The following STOX2 variants were observed in gnomAD, a reference collection of about 807,000 sequenced individuals.
STOX2 encodes the protein storkhead box 2.
STOX2 carries 28 observed loss-of-function variants against 60.9 expected under a neutral mutation model. The ratio of observed to expected loss-of-function variants is 0.46; its 90% CI spans 0.34 to 0.63. The LOEUF (loss-of-function observed/expected upper bound fraction) is 0.63, where lower values mean the gene tolerates loss of function less well. Among genes scored for constraint, STOX2 ranks in the 30% least tolerant of loss-of-function variants. The pLI is 0.01. For missense variants in STOX2, 1,024 were observed against 1,187.7 expected (o/e 0.86, Z 2.03); for synonymous variants, 472 against 463.9 (o/e 1.02, Z -0.22).
chr4:183,831,312 T>G (rs1487639216), intron 1 of STOX2, among the ~76,000 whole-genome samples: 1 of 152,214 alleles, frequency 6.6e-6, no homozygotes. Flanking sequence ...TTGGCTCTTT[T>G]GCCTTTCTTC....
intron 1 of STOX2, among the ~76,000 whole-genome samples, chr4:183,880,403 AATCAACC>A: frequency 8.8e-6 from 1 of 113,498 alleles, no homozygotes; most frequent in Non-Finnish European, 1.9e-5. Context: ...GGTATAAACC[AATCAACC>A]AACCAACCAA....
At chr4:183,803,356 G>A (rs1483014579) in intron 1 of STOX2, among the ~76,000 whole-genome samples, 2 of 151,988 alleles carry the variant, frequency 1.3e-5, no homozygotes, top group Non-Finnish European at 2.9e-5. Context: ...GATTACAGAT[G>A]TTAGCACCTA....
At chr4:184,013,536 A>G (rs533783651) in intron 3 of STOX2, among the ~76,000 whole-genome samples, 1 of 152,346 alleles carries the variant, frequency 6.6e-6, no homozygotes, top group Admixed American at 6.5e-5. Context: ...TACATGTTAT[A>G]CAGTTAGAGA....
intron 1 of STOX2, among the ~76,000 whole-genome samples, chr4:183,816,053 G>A (rs999357203): frequency 2.6e-5 from 4 of 152,174 alleles, no homozygotes; most frequent in Admixed American, 2.6e-4. Flanking sequence ...CCAAATTTCA[G>A]AATTCCTGGG....
At chr4:183,859,887 A>G (rs988187755) in intron 1 of STOX2, among the ~76,000 whole-genome samples, 1 of 149,970 alleles carries the variant, frequency 6.7e-6, no homozygotes, top group African/African-American at 2.5e-5. Flanking sequence ...GTATATTAGG[A>G]TTTGTTCATG....
In STOX2 at chr4:184,001,365, T is replaced by C. The variant is rs746035005; in HGVS notation, c.207T>C (p.Ser69=). Residue 69 remains serine (S), a synonymous_variant, in exon 2 of 4, where the codon TCT becomes TCC. Transcript: ENST00000308497. This position sits in a 1 kb window ranked among gnomAD's most constrained non-coding sequence, Gnocchi z 4.2. ...TCAGTATGTCTCCCATCAGTCAGTC[T>C]CAGTTTATTCCACTCGGGGAGATCC... is the stretch of plus-strand genomic sequence containing the variant. ...SPISMSPISQ[S]QFIPLGEILC... 6.2e-7 allele frequency: 1 copy of C among 1,613,952 alleles called. No homozygotes were observed. The highest frequency in any genetic ancestry group is 1.1e-5 in the South Asian group (1 of 91,076).
chr4:183,951,224 G>GA (rs70959161), intron 1 of STOX2, among the ~76,000 whole-genome samples: 45,846 of 125,024 alleles, frequency 0.37, 7,558 homozygotes, highest in Middle Eastern at 0.43. Flanking sequence ...CAAAAAAAAA[G>GA]AAAAAAAAAA....
At chr4:183,862,283 C>G (rs1437769020) in intron 1 of STOX2, among the ~76,000 whole-genome samples, 4 of 152,196 alleles carry the variant, frequency 2.6e-5, no homozygotes, top group Non-Finnish European at 5.9e-5. Flanking sequence ...ACAAGCGATT[C>G]TCCTGCCTCA....
chr4:183,874,920 C>T (rs1441404838), intron 1 of STOX2, among the ~76,000 whole-genome samples: 8 of 43,864 alleles, frequency 1.8e-4, no homozygotes, highest in African/African-American at 8.0e-4. Context: ...CGAGACTCCG[C>T]CTCAAAAAAA....
intron 1 of STOX2, among the ~76,000 whole-genome samples, chr4:183,964,739 T>C (rs191498447): frequency 2.4e-4 from 37 of 152,276 alleles, no homozygotes; most frequent in South Asian, 8.3e-4. Context: ...CATGCCACCA[T>C]GCCCAGCTGA....
rs200837182 is a variant in STOX2 at position 184,009,557 on chromosome 4, G to A, written c.719G>A (p.Ser240Asn). 2.3e-3 allele frequency: 3,728 copies of A among 1,613,934 alleles called. 47 individuals carry two copies. Among genetic ancestry groups the A allele is most frequent in the South Asian group, 0.021 (1,955 of 91,058 alleles). ...SLCQVPPTEKSKSTVNFSYKT... is the reference protein window; with the variant it reads ...SLCQVPPTEKNKSTVNFSYKT... Reference sequence around the variant, plus strand: ...TGCCAGGTGCCACCCACTGAAAAGAGCAAAAGTACTGTAAATTTTTCCTAT... The same window carrying A: ...TGCCAGGTGCCACCCACTGAAAAGAACAAAAGTACTGTAAATTTTTCCTAT... The change falls in exon 3 of 4, where the codon AGC becomes AAC. Residue 240 changes from serine to asparagine, a missense_variant. Around this residue, in one of 3 missense-constraint regions of STOX2, gnomAD observed 922 missense variants for 1,058.3 expected, o/e 0.87. Coordinates refer to ENST00000308497, the MANE Select transcript of STOX2 (RefSeq NM_020225.3). The surrounding 1 kb of genome is among the most constrained non-coding windows in gnomAD (Gnocchi z 4.0).
At chr4:183,946,205 G>A (rs190785165) in intron 1 of STOX2, among the ~76,000 whole-genome samples, 1 of 149,282 alleles carries the variant, frequency 6.7e-6, no homozygotes, top group East Asian at 1.9e-4. Flanking sequence ...TAAAATGATG[G>A]GCTTTCTAGG....
intron 1 of STOX2, among the ~76,000 whole-genome samples, chr4:183,957,828 A>G (rs898096502): frequency 6.6e-6 from 1 of 152,016 alleles, no homozygotes; most frequent in African/African-American, 2.4e-5. Flanking sequence ...TTAGAACCCA[A>G]TATCGTGAAT....
upstream of STOX2, among the ~76,000 whole-genome samples, chr4:183,901,571 T>A (rs72998718): frequency 6.0e-5 from 9 of 151,200 alleles, no homozygotes; most frequent in Non-Finnish European, 1.2e-4. Context: ...TAATTGCCAA[T>A]GTTTGTTATT....
At chr4:183,887,941 CAG>C (rs1242034595) in intron 1 of STOX2, among the ~76,000 whole-genome samples, 1 of 152,112 alleles carries the variant, frequency 6.6e-6, no homozygotes, top group Non-Finnish European at 1.5e-5. Context: ...TTGGTAGAGA[CAG>C]GGTATCAACT....
At chr4:183,819,309 G>A (rs1046537172) in intron 1 of STOX2, among the ~76,000 whole-genome samples, 5 of 152,026 alleles carry the variant, frequency 3.3e-5, no homozygotes, top group Admixed American at 2.6e-4. Context: ...TCGGGAGGCC[G>A]AGGCTAGCAG....
At chr4:183,963,418 TTTTTTTTC>T (rs1171116473) in intron 1 of STOX2, among the ~76,000 whole-genome samples, 12 of 152,000 alleles carry the variant, frequency 7.9e-5, no homozygotes, top group East Asian at 3.9e-4. Context: ...AAATGTTATA[TTTTTTTTC>T]TTTTTTTCTT....
intron 1 of STOX2, among the ~76,000 whole-genome samples, chr4:183,958,659 C>T (rs981545136): frequency 6.6e-6 from 1 of 152,098 alleles, no homozygotes; most frequent in South Asian, 2.1e-4. Flanking sequence ...ACTGAAAAGC[C>T]CATCTTAGAT....
intron 1 of STOX2, among the ~76,000 whole-genome samples, chr4:183,908,592 GT>G (rs10671305): frequency 0.5 from 63,455 of 126,312 alleles, 16,189 homozygotes; most frequent in Non-Finnish European, 0.58. Flanking sequence ...CAGGCAGCCA[GT>G]TTTTTTTTTT....
Sources: allele counts gnomAD v4.1 joint callset (sites outside exome capture counted in the v4.1 genomes callset), GRCh38; gene constraint gnomAD v4.1.1; regional missense constraint gnomAD v4.1.1; non-coding constraint Gnocchi (gnomAD v3.1); transcripts MANE v1.5; gene names NCBI Gene and HGNC (gene_info 2026-07-23, HGNC 2026-07-21).